Variants in ACSL6 observed in about 807,000 individuals in gnomAD.
The protein encoded by ACSL6 is acyl-CoA synthetase long chain family member 6.
A neutral mutation model predicts 98.2 loss-of-function variants in ACSL6; 47 were observed. The observed-to-expected ratio is 0.48, with a 90% confidence interval of 0.38 to 0.61. The LOEUF is 0.61. Among genes scored for constraint, ACSL6 ranks in the 20% least tolerant of loss-of-function variants. The probability of loss-of-function intolerance (pLI) is 0.00; values close to 1 mark genes in which losing one functional copy is unlikely to be tolerated. For missense variants in ACSL6, 761 were observed against 913.4 expected, an observed-to-expected ratio of 0.83 and a Z score of 2.15; for synonymous variants, 362 against 336.9, an observed-to-expected ratio of 1.07 and a Z score of -0.82.
chr5:131,977,585 T>G lies in ACSL6; in HGVS notation c.917-864A>C, dbSNP rs865971480. ...GAGAGTAATGCCCACCTCACAGGCT[T>G]CTATAAGATCTAAAGATATAATCTA... On this transcript the variant is annotated intron_variant, in intron 9 of 20. Coordinates refer to ENST00000651883, the MANE Select transcript of ACSL6 (RefSeq NM_001009185.3). 3.3e-4 allele frequency among the ~76,000 whole-genome samples: 50 copies of G among 152,178 alleles called. 1 individual carries two copies. The highest frequency in any genetic ancestry group is 1.2e-3 in the African/African-American group (50 of 41,436).
At chr5:131,991,040 C>T in intron 2 of ACSL6, 73 bp from the exon 3 acceptor site, 1 of 1,295,728 alleles carries the variant, frequency 7.7e-7, no homozygotes, top group Non-Finnish European at 1.1e-6. Flanking sequence ...GCAGCATGCA[C>T]AAGGCTGTAC....
At chr5:131,971,467 C>T in intron 14 of ACSL6, 83 bp downstream of exon 14, 1 of 1,125,094 alleles carries the variant, frequency 8.9e-7, no homozygotes, top group Non-Finnish European at 1.2e-6. Context: ...CCGGTTCTTT[C>T]TCTGAGCAGT....
rs144652904 is a variant in ACSL6 at position 131,962,527 on chromosome 5, G to A, written c.1857+8C>T. On this transcript the variant is annotated splice_region_variant and intron_variant, in intron 18 of 20. Coordinates refer to ENST00000651883, the MANE Select transcript of ACSL6 (RefSeq NM_001009185.3). ...ATATGTGGGAGGGCTGAAGCCTAGA[G>A]GCCTCACCTTTAAGCTGTCCCCATG... 5.7e-4 allele frequency: 924 copies of A among 1,611,848 alleles called. 6 individuals are homozygous for A. In the African/African-American group the frequency reaches 0.011, roughly 19 times the overall value.
chr5:131,990,762 G>A lies in ACSL6; in HGVS notation c.385+91C>T, dbSNP rs911842269. 2.9e-5 allele frequency: 34 copies of A among 1,178,706 alleles called. No individual in the cohort carries two copies. The Admixed American group carries it at 5.3e-4, about 18-fold the overall frequency. The allele number at this position is 1,178,706 out of a possible 1,614,324, so 73.0% of individuals were successfully genotyped here. On this transcript the variant is annotated intron_variant, in intron 3 of 20. Coordinates refer to ENST00000651883, the MANE Select transcript of ACSL6 (RefSeq NM_001009185.3). ...AACCTGGGGATAGCTCACCTGCCAT[G>A]GCCCTGGTATCATGCTTGCATACCC...
At chr5:131,975,751 T>C (rs908657556) in intron 10 of ACSL6, 2 of 985,354 alleles carry the variant, frequency 2.0e-6, no homozygotes, top group African/African-American at 1.7e-5. Flanking sequence ...GCACAAGGCT[T>C]GGGATCTGGG....
At chr5:131,968,596 C>T (rs1317386663) in intron 15 of ACSL6, among the ~76,000 whole-genome samples, 1 of 152,110 alleles carries the variant, frequency 6.6e-6, no homozygotes, top group Non-Finnish European at 1.5e-5. Context: ...TGTTGAATAA[C>T]AAAGGAATGG....
Position 131,988,208 on chromosome 5 carries a change from A to G in ACSL6, c.671T>C (p.Ile224Thr). Residue 224 changes from isoleucine to threonine, a missense_variant, in exon 7 of 21, where the codon ATT becomes ACT. By Grantham distance (89) the Ile-to-Thr change is moderately conservative. Coordinates refer to ENST00000651883, the MANE Select transcript of ACSL6 (RefSeq NM_001009185.3). Reference protein sequence around the residue: ...IINTADISTVIVDKPQKAVLL... With the variant: ...IINTADISTVTVDKPQKAVLL... ...CACAGCCTTCTGAGGTTTGTCCACA[A>G]TCACGGTGCTGATGTCCGCTGCAGG... 2 of 1,614,054 alleles carry G rather than the reference A, an allele frequency of 1.2e-6. No homozygotes were observed. Among genetic ancestry groups the G allele is most frequent in the Non-Finnish European group, 8.5e-7 (1 of 1,179,988 alleles).
intron 17 of ACSL6, among the ~76,000 whole-genome samples, chr5:131,963,642 G>A (rs1483337989): frequency 6.6e-6 from 1 of 152,154 alleles, no homozygotes. Context: ...CCAGTGGTCA[G>A]GCTCACCTGT....
At chr5:131,971,482 G>T in intron 14 of ACSL6, 68 bp downstream of exon 14, 6 of 1,306,690 alleles carry the variant, frequency 4.6e-6, no homozygotes, top group Admixed American at 2.3e-5. Context: ...AGCAGTAGAG[G>T]GTATAGTAGT....
intron 1 of ACSL6, among the ~76,000 whole-genome samples, chr5:132,001,332 C>T (rs1366157618): frequency 2.6e-5 from 4 of 152,312 alleles, no homozygotes; most frequent in South Asian, 2.1e-4. Context: ...TGCAGAGGTG[C>T]AAACACAGCA....
rs75987014 is a variant in ACSL6 at position 132,009,804 on chromosome 5, C to T, written c.49+1701G>A. On this transcript the variant is annotated intron_variant, in intron 1 of 20. Coordinates refer to ENST00000651883, the MANE Select transcript of ACSL6 (RefSeq NM_001009185.3). ...CTAACCCTGCTCACAGACAAGGACC[C>T]CACAGGGTGAGGGACTTTTTCTCAC... Among the ~76,000 whole-genome samples the T allele has an allele frequency of 6.7e-3, 1,015 of 152,260 alleles. 13 individuals are homozygous for T. The highest frequency in any genetic ancestry group is 0.022 in the African/African-American group (900 of 41,542).
At position 131,972,781 on chromosome 5, in the gene ACSL6, C is replaced by G; in HGVS notation, c.1281G>C (p.Arg427=). The part of the protein sequence containing the change: ...FAAKRKQAEV[R]SGIIRNDSIW... ...TACTATCATTCCTGATGATTCCACT[C>G]CGGACCTCGGCTTGCTTACGCTTTG... The change falls in exon 13 of 21, where the codon CGG becomes CGC. Residue 427 remains arginine, a synonymous_variant. Coordinates refer to ENST00000651883, the MANE Select transcript of ACSL6 (RefSeq NM_001009185.3). The G allele has an allele frequency of 6.2e-7, 1 of 1,614,214 alleles. No individual in the cohort carries two copies. The highest frequency in any genetic ancestry group is 1.7e-5 in the Admixed American group (1 of 60,028).
At position 131,966,491 on chromosome 5, in the gene ACSL6, T is replaced by C. The variant is rs764162483; in HGVS notation, c.1638A>G (p.Lys546=). 6.2e-7 allele frequency: 1 copy of C among 1,614,212 alleles called. No individual in the cohort carries two copies. The highest frequency in any genetic ancestry group is 8.5e-7 in the Non-Finnish European group (1 of 1,180,048). The change falls in exon 17 of 21, where the codon AAA becomes AAG. Residue 546 remains lysine, a synonymous_variant. Transcript: ENST00000651883. ...GGGCCTCCTTCGTCCTGTCTGGATC[T>C]TTCAAGTAGCCTTTGAACACATTTG... ...RGPNVFKGYL[K]DPDRTKEALD... is the part of the protein sequence containing the mutation.
intron 9 of ACSL6, chr5:131,985,183 C>CAA: frequency 1.7e-6 from 1 of 583,970 alleles, no homozygotes; most frequent in South Asian, 1.9e-5. Flanking sequence ...TGGGAGGTGC[C>CAA]AAGCCCTCAC....
At chr5:131,991,295 G>A (rs1754499905) in intron 2 of ACSL6, among the ~76,000 whole-genome samples, 1 of 152,136 alleles carries the variant, frequency 6.6e-6, no homozygotes, top group African/African-American at 2.4e-5. Flanking sequence ...GTTAATGTTC[G>A]TACACACCCA....
intron 14 of ACSL6, among the ~76,000 whole-genome samples, chr5:131,970,736 T>C (rs959270098): frequency 6.6e-6 from 1 of 152,182 alleles, no homozygotes; most frequent in Admixed American, 6.5e-5. Context: ...TAAGGTTATA[T>C]AGTTTAGGGT....
chr5:132,004,144 T>A (rs964876674), intron 1 of ACSL6, among the ~76,000 whole-genome samples: 31 of 151,584 alleles, frequency 2.0e-4, no homozygotes, highest in Admixed American at 6.6e-4. Flanking sequence ...CAGAGCCCCA[T>A]GTGCGGGATC....
chr5:131,997,925 G>C (rs1754875994), intron 1 of ACSL6, among the ~76,000 whole-genome samples: 1 of 152,222 alleles, frequency 6.6e-6, no homozygotes, highest in Non-Finnish European at 1.5e-5. Context: ...CTGCAAGGCA[G>C]AGCTGTGAGT....
At position 131,990,293 on chromosome 5, in the gene ACSL6, C is replaced by T. The variant is rs888236253; in HGVS notation, c.386-129G>A. On this transcript the variant is annotated intron_variant, in intron 3 of 20. Transcript: ENST00000651883. ...GTCCATGGGCCAAGTGAACTGCCCT[C>T]CTGCACTGCCAGCTACCTGTCTAAT... is the stretch of plus-strand genomic sequence containing the variant. 7 of 823,076 alleles carry T rather than the reference C, an allele frequency of 8.5e-6. No homozygotes were observed. The East Asian group carries it at 1.6e-4, about 18-fold the overall frequency. 51.0% of individuals were successfully genotyped at this position (823,076 alleles called of 1,614,324 possible).
Sources: allele counts gnomAD v4.1 joint callset (sites outside exome capture counted in the v4.1 genomes callset), GRCh38; gene constraint gnomAD v4.1.1; transcripts MANE v1.5; gene names NCBI Gene and HGNC (gene_info 2026-07-23, HGNC 2026-07-21).